Variants in RBMS3 observed in about 807,000 individuals in gnomAD.
RBMS3 encodes the protein RNA-binding motif, single-stranded-interacting protein 3.
RBMS3 carries 27 observed loss-of-function variants against 66.8 expected under a neutral mutation model. The observed-to-expected ratio is 0.40, with a 90% CI of 0.30 to 0.56. The LOEUF (loss-of-function observed/expected upper bound fraction) is 0.56, where lower values mean the gene tolerates loss of function less well. Ranked by LOEUF, RBMS3 falls within the 20% of genes least tolerant of loss-of-function variation. RBMS3 has a pLI of 0.40. For synonymous variants in RBMS3, 188 were observed against 183.0 expected (o/e 1.03, Z -0.22); for missense variants, 513 against 549.5 (o/e 0.93, Z 0.66).
At chr3:29,470,848 A>C (rs965147805) in intron 2 of RBMS3, among the ~76,000 whole-genome samples, 3 of 138,816 alleles carry the variant, frequency 2.2e-5, no homozygotes, top group Non-Finnish European at 4.7e-5. Context: ...CAAACACACA[A>C]ATAAATTTAA....
chr3:29,728,779 A>C lies in RBMS3; in HGVS notation c.400-10941A>C, dbSNP rs538492022. Among the ~76,000 whole-genome samples, 3 of 150,926 alleles carry C rather than the reference A, an allele frequency of 2.0e-5. No individual in the cohort carries two copies. In the East Asian group the frequency reaches 5.8e-4, roughly 29 times the overall value. The stretch of plus-strand genomic sequence containing the variant: ...CCTTCACTTAGACTGACAGAATTTT[A>C]ATGTATAGCAGAATTTTTTTTTAAG... On this transcript the variant is annotated intron_variant, in intron 4 of 14. Coordinates refer to ENST00000383767, the MANE Select transcript of RBMS3 (RefSeq NM_001003793.3).
chr3:29,897,551 G>A (rs13064547), intron 9 of RBMS3, 76 bp downstream of exon 9: 2 of 1,376,662 alleles, frequency 1.5e-6, no homozygotes, highest in South Asian at 2.4e-5. Context: ...AAAGGACACA[G>A]TAGAATGAAA....
intron 6 of RBMS3, among the ~76,000 whole-genome samples, chr3:29,825,104 C>G (rs1437551734): frequency 6.7e-6 from 1 of 150,236 alleles, no homozygotes; most frequent in Non-Finnish European, 1.5e-5. Context: ...GGTGTGATCT[C>G]AGCTCACTGT....
intron 1 of RBMS3, among the ~76,000 whole-genome samples, chr3:29,337,363 A>G (rs960932143): frequency 6.6e-6 from 1 of 152,048 alleles, no homozygotes; most frequent in Admixed American, 6.6e-5. Flanking sequence ...ATATGGCTGG[A>G]TGCAGTGGCT....
chr3:29,604,706 G>A (rs923487757), intron 4 of RBMS3, among the ~76,000 whole-genome samples: 1 of 151,946 alleles, frequency 6.6e-6, no homozygotes, highest in Non-Finnish European at 1.5e-5. Context: ...ATATGATTAT[G>A]CTTCTGGATA....
intron 1 of RBMS3, among the ~76,000 whole-genome samples, chr3:29,310,251 T>C (rs779727576): frequency 2.0e-5 from 3 of 151,660 alleles, no homozygotes; most frequent in African/African-American, 7.3e-5. Context: ...AAATAGATCA[T>C]GTCTGAAAAC....
chr3:29,361,819 CT>C (rs1220180794), intron 1 of RBMS3, among the ~76,000 whole-genome samples: 1 of 152,158 alleles, frequency 6.6e-6, no homozygotes, highest in Non-Finnish European at 1.5e-5. Context: ...CACTGATACC[CT>C]TTCTTCCAGT....
chr3:29,816,980 A>G lies in RBMS3; in HGVS notation c.638-51878A>G, dbSNP rs1233137004. The stretch of plus-strand genomic sequence containing the variant: ...GTGGTGCACACCCGTAATCCCAGCT[A>G]CATGGGAGGCTGAGGCAAGAGAATC... On this transcript the variant is annotated intron_variant, in intron 6 of 14. Transcript: ENST00000383767. Among the ~76,000 whole-genome samples the G allele has an allele frequency of 2.0e-5, 3 of 152,104 alleles. No individual in the cohort carries two copies. In the East Asian group the frequency reaches 5.8e-4, roughly 29 times the overall value.
intron 1 of RBMS3, among the ~76,000 whole-genome samples, chr3:29,316,861 A>G (rs934952604): frequency 6.6e-6 from 1 of 151,650 alleles, no homozygotes; most frequent in Non-Finnish European, 1.5e-5. Context: ...TTGTTGGATA[A>G]GTGAAAAATG....
At chr3:29,290,026 A>G (rs2032690498) in intron 1 of RBMS3, among the ~76,000 whole-genome samples, 1 of 151,814 alleles carries the variant, frequency 6.6e-6, no homozygotes, top group Non-Finnish European at 1.5e-5. Context: ...AATTTAATGA[A>G]AAGTGAAATA....
intron 10 of RBMS3, among the ~76,000 whole-genome samples, chr3:29,906,400 G>T (rs2060379258): frequency 6.6e-6 from 1 of 152,046 alleles, no homozygotes; most frequent in African/African-American, 2.4e-5. Flanking sequence ...GAGAGCCAGA[G>T]AGAGCTTCCT....
intron 4 of RBMS3, chr3:29,614,900 G>T (rs1007073007): frequency 1.3e-5 from 2 of 152,160 alleles, no homozygotes; most frequent in African/African-American, 4.8e-5. Context: ...CTCTATAAGG[G>T]AGTAGTAGAA....
chr3:29,439,714 C>A (rs1363057570), intron 2 of RBMS3, among the ~76,000 whole-genome samples: 2 of 152,016 alleles, frequency 1.3e-5, no homozygotes, highest in Admixed American at 6.6e-5. Context: ...CCCATTAACT[C>A]GTCATTTAGC....
rs1243557825 is a variant in RBMS3, at chr3:29,798,256, A to AAAGGGAAGGG, written c.637+35291_637+35300dup. Among the ~76,000 whole-genome samples, 875 of 102,112 alleles carry AAAGGGAAGGG rather than the reference A, an allele frequency of 8.6e-3. 22 individuals carry two copies. Among genetic ancestry groups the AAAGGGAAGGG allele is most frequent in the African/African-American group, 0.028 (627 of 22,086 alleles). 67.0% of individuals were successfully genotyped at this position (102,112 alleles called of 152,430 possible). On this transcript the variant is annotated intron_variant, in intron 6 of 14. Transcript: ENST00000383767. ...AGAGGAAGGAAGGAAGGACAGAAGA[A>AAAGGGAAGGG]AAGGGAAGGGAAGGGAAGGGAAGGG...
chr3:29,761,215 G>A (rs756570190), intron 5 of RBMS3, among the ~76,000 whole-genome samples: 1 of 152,020 alleles, frequency 6.6e-6, no homozygotes, highest in Non-Finnish European at 1.5e-5. Context: ...CCTGCTTGGC[G>A]GTAGAGATTT....
intron 6 of RBMS3, among the ~76,000 whole-genome samples, chr3:29,833,910 A>G (rs2058437261): frequency 6.6e-6 from 1 of 152,104 alleles, no homozygotes; most frequent in East Asian, 1.9e-4. Flanking sequence ...TCAAAGACAA[A>G]GAGAATTTTG....
chr3:29,629,487 T>C (rs548477228), intron 4 of RBMS3, among the ~76,000 whole-genome samples: 3 of 152,268 alleles, frequency 2.0e-5, no homozygotes, highest in East Asian at 3.9e-4. Flanking sequence ...GAACATTTTA[T>C]ATGTAATGTT....
chr3:29,931,971 G>A (rs1157436151), intron 10 of RBMS3, among the ~76,000 whole-genome samples: 2 of 151,990 alleles, frequency 1.3e-5, no homozygotes, highest in African/African-American at 4.8e-5. Flanking sequence ...TTGACTTGAG[G>A]CATTTAGATA....
At chr3:29,946,883 C>A (rs773331834) in intron 12 of RBMS3, among the ~76,000 whole-genome samples, 2 of 151,388 alleles carry the variant, frequency 1.3e-5, no homozygotes, top group Non-Finnish European at 3.0e-5. Context: ...TGATTTTCTG[C>A]GGTCATGATT....
Sources: gnomAD v4.1 joint callset for allele counts (sites outside exome capture counted in the v4.1 genomes callset) on GRCh38, gnomAD v4.1.1 for gene constraint, MANE v1.5 for transcripts, NCBI Gene and HGNC (gene_info 2026-07-23, HGNC 2026-07-21) for gene names.